Variants in SSPN observed in about 807,000 individuals in gnomAD.
SSPN encodes sarcospan.
Under a neutral mutation model 19.1 loss-of-function variants are expected in SSPN, and 15 were observed. The ratio of observed to expected loss-of-function variants is 0.78; its 90% CI spans 0.52 to 1.21. SSPN has a LOEUF of 1.21. Ranked by LOEUF, SSPN falls within the 50% of genes most tolerant of loss-of-function variation. SSPN has a pLI of 0.00. For synonymous variants in SSPN, 147 were observed against 140.3 expected (o/e 1.05, Z -0.34); for missense variants, 291 against 314.0 (o/e 0.93, Z 0.55).
chr12:26,199,296 T>C (rs1944857283), intron 1 of SSPN, among the ~76,000 whole-genome samples: 1 of 152,220 alleles, frequency 6.6e-6, no homozygotes, highest in African/African-American at 2.4e-5. Flanking sequence ...TAGGTCATTT[T>C]TTATCTATCC....
chr12:26,160,144 C>T (rs1487688434), intron 1 of SSPN, among the ~76,000 whole-genome samples: 1 of 152,194 alleles, frequency 6.6e-6, no homozygotes, highest in Non-Finnish European at 1.5e-5. Context: ...CTGGTTGGAG[C>T]AGGCACTGCA....
intron 1 of SSPN, among the ~76,000 whole-genome samples, chr12:26,156,564 C>T (rs576508476): frequency 5.9e-5 from 9 of 152,276 alleles, no homozygotes; most frequent in South Asian, 2.1e-4. Context: ...CAGAAAGGCC[C>T]GCGGATTCTT....
intron 1 of SSPN, among the ~76,000 whole-genome samples, chr12:26,201,047 T>TATATATATATATATATATATAAA (rs1565685553): frequency 2.0e-5 from 1 of 51,036 alleles, no homozygotes; most frequent in African/African-American, 1.0e-4. Flanking sequence ...ATATATATAT[T>TATATATATATATATATATATAAA]ATATATATAT....
At chr12:26,211,261 G>T (rs777642763) in intron 1 of SSPN, 23 of 152,080 alleles carry the variant, frequency 1.5e-4, no homozygotes, top group Admixed American at 2.6e-4. Flanking sequence ...TATCAAATAT[G>T]AATCTTAACC....
upstream of SSPN, among the ~76,000 whole-genome samples, chr12:26,193,161 A>C (rs1944799384): frequency 6.6e-6 from 1 of 152,214 alleles, no homozygotes; most frequent in African/African-American, 2.4e-5. Context: ...ATACTATGCT[A>C]CCCATGATAA....
chr12:26,131,090 G>C (rs865985969), intron 1 of SSPN, among the ~76,000 whole-genome samples: 2 of 152,238 alleles, frequency 1.3e-5, no homozygotes, highest in Non-Finnish European at 2.9e-5. Flanking sequence ...GCTTGTCCAC[G>C]TCCTCTTCTT....
intron 1 of SSPN, among the ~76,000 whole-genome samples, chr12:26,206,015 C>T (rs962015296): frequency 2.6e-5 from 4 of 152,192 alleles, no homozygotes; most frequent in South Asian, 4.2e-4. Context: ...ATAGGGTGAC[C>T]GTAACTATTG....
rs555975542 is a variant in SSPN at position 26,130,020 on chromosome 12, G to T, written c.-31+7868G>T. 5.3e-5 allele frequency among the ~76,000 whole-genome samples: 8 copies of T among 152,230 alleles called. No homozygotes were observed. In the South Asian group the frequency reaches 1.7e-3, roughly 32 times the overall value. Reference sequence around the variant, plus strand: ...CCTTCTGCCCCTACGTATCTGCCTGGTCCCTCATGGTGCCCATGTGCTTCT... The same window carrying T: ...CCTTCTGCCCCTACGTATCTGCCTGTTCCCTCATGGTGCCCATGTGCTTCT... On this transcript the variant is annotated intron_variant, in intron 1 of 2. Transcript: ENST00000538142.
chr12:26,198,274 G>A (rs950201605), intron 1 of SSPN, among the ~76,000 whole-genome samples: 6 of 152,112 alleles, frequency 3.9e-5, no homozygotes, highest in South Asian at 2.1e-4. Flanking sequence ...AGACGTTCTC[G>A]TGCCTCAGCC....
At chr12:26,124,195 T>C in intron 1 of SSPN, 1 of 1,517,080 alleles carries the variant, frequency 6.6e-7, no homozygotes, top group East Asian at 2.3e-5. Context: ...TATATGAGAG[T>C]CATGGAAAAG....
At chr12:26,205,161 A>T (rs564847939) in intron 1 of SSPN, among the ~76,000 whole-genome samples, 1 of 151,960 alleles carries the variant, frequency 6.6e-6, no homozygotes, top group South Asian at 2.1e-4. Flanking sequence ...GAAATGAGCA[A>T]CTCTCCCCTG....
In SSPN at chr12:26,125,238, G is replaced by A. The variant is rs914848522; in HGVS notation, c.-31+3086G>A. ...GCCACCGGAAAGGAAAAACAACTTC[G>A]GCCAAGCTATTCATCTTCCCAAAGG... On this transcript the variant is annotated intron_variant, in intron 1 of 2. Coordinates refer to the SSPN transcript ENST00000538142. 1.2e-5 allele frequency: 3 copies of A among 248,758 alleles called. No homozygotes were observed. In the South Asian group the frequency reaches 1.5e-4, roughly 13 times the overall value. 15.4% of individuals were successfully genotyped at this position (248,758 alleles called of 1,614,324 possible). A position where few individuals can be genotyped will look rare whatever the true frequency, so the allele number is the denominator to read the frequency against.
intron 1 of SSPN, among the ~76,000 whole-genome samples, chr12:26,173,238 T>C (rs1944663968): frequency 6.6e-6 from 1 of 152,192 alleles, no homozygotes; most frequent in South Asian, 2.1e-4. Flanking sequence ...TTCCTTTCTT[T>C]AGAAAAGAGC....
intron 1 of SSPN, among the ~76,000 whole-genome samples, chr12:26,145,527 G>A (rs1944485166): frequency 6.6e-6 from 1 of 152,198 alleles, no homozygotes; most frequent in South Asian, 2.1e-4. Context: ...ATTAGCATTG[G>A]TACCCTGTTA....
chr12:26,122,048 C>G (rs1451661679), exon 1 of SSPN: 2 of 1,549,184 alleles, frequency 1.3e-6, no homozygotes, highest in Non-Finnish European at 1.7e-6. Context: ...GAACCTCCGT[C>G]CTTCGGGACG....
At chr12:26,179,238 C>A (rs1216071003) in intron 1 of SSPN, among the ~76,000 whole-genome samples, 2 of 152,114 alleles carry the variant, frequency 1.3e-5, no homozygotes, top group African/African-American at 2.4e-5. Flanking sequence ...AGAAGGAGAG[C>A]AGTGCTTGAG....
At chr12:26,157,676 T>C (rs1406135476) in intron 1 of SSPN, among the ~76,000 whole-genome samples, 1 of 152,254 alleles carries the variant, frequency 6.6e-6, no homozygotes, top group Non-Finnish European at 1.5e-5. Context: ...CTGTTAATTG[T>C]GTCTAGACAC....
At chr12:26,149,528 CTT>C (rs1358555010) in intron 1 of SSPN, among the ~76,000 whole-genome samples, 1 of 152,204 alleles carries the variant, frequency 6.6e-6, no homozygotes, top group African/African-American at 2.4e-5. Flanking sequence ...TGGCAAGTGA[CTT>C]CACCTTTCTC....
At chr12:26,151,097 A>G (rs905943723) in intron 1 of SSPN, among the ~76,000 whole-genome samples, 2 of 152,074 alleles carry the variant, frequency 1.3e-5, no homozygotes, top group African/African-American at 2.4e-5. Flanking sequence ...GAACTTAGGG[A>G]AAAAAAGGGG....
Sources: gnomAD v4.1 joint callset for allele counts (sites outside exome capture counted in the v4.1 genomes callset) on GRCh38, gnomAD v4.1.1 for gene constraint, MANE v1.5 for transcripts, NCBI Gene and HGNC (gene_info 2026-07-23, HGNC 2026-07-21) for gene names.